Variants in CCDC138 observed in about 807,000 individuals in gnomAD.
CCDC138 encodes the protein coiled-coil domain containing 138.
A neutral mutation model predicts 82.3 loss-of-function variants in CCDC138; 66 were observed. That is an observed-to-expected ratio of 0.80 (90% CI 0.66 to 0.98). The LOEUF (loss-of-function observed/expected upper bound fraction) is 0.98, where lower values mean the gene tolerates loss of function less well. CCDC138 is among the 50% of genes least tolerant of loss of function. The probability of loss-of-function intolerance (pLI) is 0.00; values close to 1 mark genes in which losing one functional copy is unlikely to be tolerated. For synonymous variants in CCDC138, 297 were observed against 265.4 expected (o/e 1.12, Z -1.16); for missense variants, 816 against 758.9 (o/e 1.08, Z -0.88).
At chr2:108,858,115 G>A (rs1034971031) in intron 13 of CCDC138, among the ~76,000 whole-genome samples, 1 of 152,124 alleles carries the variant, frequency 6.6e-6, no homozygotes, top group Non-Finnish European at 1.5e-5. Context: ...AGGCCGAGGC[G>A]GGCAGATCAC....
At chr2:108,825,095 A>G (rs1347825351) in intron 10 of CCDC138, among the ~76,000 whole-genome samples, 1 of 152,158 alleles carries the variant, frequency 6.6e-6, no homozygotes, top group Non-Finnish European at 1.5e-5. Context: ...GAATCATGCA[A>G]AATAAATTAG....
chr2:108,806,975 A>C (rs759747504), intron 7 of CCDC138, among the ~76,000 whole-genome samples: 4 of 152,188 alleles, frequency 2.6e-5, no homozygotes, highest in Non-Finnish European at 5.9e-5. Flanking sequence ...GAACTTTCCT[A>C]AACTGAAACC....
intron 12 of CCDC138, among the ~76,000 whole-genome samples, chr2:108,851,059 A>G (rs1558731847): frequency 6.6e-6 from 1 of 152,126 alleles, no homozygotes; most frequent in Non-Finnish European, 1.5e-5. Context: ...TGGGGTTCCT[A>G]CAACCCCCTC....
intron 3 of CCDC138, 29 bp from the exon 4 acceptor site, chr2:108,791,646 A>C: frequency 6.3e-7 from 1 of 1,596,974 alleles, no homozygotes; most frequent in Non-Finnish European, 8.6e-7. Context: ...AAACTTCTAG[A>C]TTGCTGTGAT....
intron 10 of CCDC138, among the ~76,000 whole-genome samples, chr2:108,825,401 T>G (rs1686393473): frequency 6.6e-6 from 1 of 152,058 alleles, no homozygotes; most frequent in South Asian, 2.1e-4. Flanking sequence ...ATCGCCTTAA[T>G]CAGTTTTAGA....
chr2:108,828,256 G>C (rs1193594594), intron 10 of CCDC138, among the ~76,000 whole-genome samples: 1 of 151,906 alleles, frequency 6.6e-6, no homozygotes, highest in Admixed American at 6.6e-5. Context: ...GAACAAGGAA[G>C]GTTTTTAATG....
chr2:108,809,479 TG>T (rs1181098356), intron 7 of CCDC138, among the ~76,000 whole-genome samples: 6 of 150,680 alleles, frequency 4.0e-5, no homozygotes, highest in African/African-American at 1.2e-4. Context: ...TGTGTGTGTG[TG>T]TGTGTGTGAT....
chr2:108,862,594 GTTA>G (rs1356223230), intron 13 of CCDC138, among the ~76,000 whole-genome samples: 1 of 152,118 alleles, frequency 6.6e-6, no homozygotes, highest in Non-Finnish European at 1.5e-5. Context: ...TAATGGATAT[GTTA>G]TTTGGTTTGA....
chr2:108,850,881 C>A (rs1194256261), intron 12 of CCDC138, among the ~76,000 whole-genome samples: 1 of 152,006 alleles, frequency 6.6e-6, no homozygotes, highest in South Asian at 2.1e-4. Flanking sequence ...GAGGTTTTTC[C>A]CCACATACCA....
At chr2:108,845,021 C>T (rs1362372505) in intron 11 of CCDC138, among the ~76,000 whole-genome samples, 2 of 152,010 alleles carry the variant, frequency 1.3e-5, no homozygotes, top group African/African-American at 2.4e-5. Flanking sequence ...GCTGGGATTA[C>T]AGGCGTGAGC....
chr2:108,827,676 C>T (rs10179853), intron 10 of CCDC138, among the ~76,000 whole-genome samples: 12,730 of 151,836 alleles, frequency 0.084, 712 homozygotes, highest in African/African-American at 0.15. Context: ...ATTAGCCAGG[C>T]GTGGTGGCAG....
chr2:108,875,167 C>G (rs1443109127), intron 14 of CCDC138, among the ~76,000 whole-genome samples: 1 of 151,126 alleles, frequency 6.6e-6, no homozygotes, highest in Non-Finnish European at 1.5e-5. Flanking sequence ...CAAACTCTCT[C>G]AAGAGAGTTT....
intron 9 of CCDC138, among the ~76,000 whole-genome samples, chr2:108,815,531 A>G (rs1225909004): frequency 7.9e-6 from 1 of 127,180 alleles, no homozygotes; most frequent in Non-Finnish European, 1.5e-5. Flanking sequence ...CAGTGGTGCG[A>G]TCTCGGCTCA....
At chr2:108,860,192 T>C (rs1321988738) in intron 13 of CCDC138, among the ~76,000 whole-genome samples, 1 of 152,152 alleles carries the variant, frequency 6.6e-6, no homozygotes, top group Non-Finnish European at 1.5e-5. Flanking sequence ...GTACGTTGAA[T>C]TTGTATCTTC....
At chr2:108,795,898 GA>G (rs1395957729) in intron 5 of CCDC138, among the ~76,000 whole-genome samples, 2 of 152,244 alleles carry the variant, frequency 1.3e-5, no homozygotes, top group East Asian at 3.9e-4. Context: ...CAGGTTTTAG[GA>G]AGATTCCTTT....
chr2:108,825,157 A>G (rs1686343425), intron 10 of CCDC138, among the ~76,000 whole-genome samples: 1 of 152,280 alleles, frequency 6.6e-6, no homozygotes. Flanking sequence ...AATAGCGTAA[A>G]TAATAGGGAG....
chr2:108,857,893 A>G (rs1004435261), intron 13 of CCDC138, among the ~76,000 whole-genome samples: 1 of 152,256 alleles, frequency 6.6e-6, no homozygotes, highest in East Asian at 1.9e-4. Context: ...CAGAGATGGC[A>G]TCTTTCTCGT....
intron 11 of CCDC138, among the ~76,000 whole-genome samples, chr2:108,843,659 A>G (rs760835927): frequency 1.3e-5 from 2 of 151,824 alleles, no homozygotes; most frequent in Non-Finnish European, 2.9e-5. Flanking sequence ...TTTTCCCCAT[A>G]TATGTAAGGT....
intron 3 of CCDC138, among the ~76,000 whole-genome samples, chr2:108,790,382 C>T (rs1325990836): frequency 1.3e-5 from 2 of 152,118 alleles, no homozygotes; most frequent in Admixed American, 6.5e-5. Context: ...TGAAGGTTTT[C>T]ATAACATTGG....
Sources: allele counts gnomAD v4.1 joint callset (sites outside exome capture counted in the v4.1 genomes callset), GRCh38; gene constraint gnomAD v4.1.1; transcripts MANE v1.5; gene names NCBI Gene and HGNC (gene_info 2026-07-23, HGNC 2026-07-21).